Variants in RAB3C observed in about 807,000 individuals in gnomAD.
RAB3C encodes the protein RAB3C, member RAS oncogene family, also known as ras-related protein Rab-3C.
In RAB3C, 17 loss-of-function variants were observed where a neutral mutation model predicts 26.4. That is an observed-to-expected ratio of 0.64 (90% CI 0.44 to 0.97). The LOEUF is 0.97. Ranked by LOEUF, RAB3C falls within the 50% of genes least tolerant of loss-of-function variation. RAB3C has a pLI of 0.00. For synonymous variants in RAB3C, 91 were observed against 95.9 expected (o/e 0.95, Z 0.30); for missense variants, 242 against 281.9 (o/e 0.86, Z 1.01).
At chr5:58,588,570 C>T (rs1302131393) in intron 1 of RAB3C, among the ~76,000 whole-genome samples, 1 of 151,958 alleles carries the variant, frequency 6.6e-6, no homozygotes, top group Non-Finnish European at 1.5e-5. Flanking sequence ...TGTTTAGTTG[C>T]AAGAGATCTT....
chr5:58,587,415 T>C (rs1430464757), intron 1 of RAB3C, among the ~76,000 whole-genome samples: 1 of 152,196 alleles, frequency 6.6e-6, no homozygotes, highest in Non-Finnish European at 1.5e-5. Flanking sequence ...CATTTTTCCC[T>C]TTCTTAAATT....
intron 3 of RAB3C, among the ~76,000 whole-genome samples, chr5:58,767,334 T>C (rs1051748907): frequency 6.6e-6 from 1 of 152,178 alleles, no homozygotes; most frequent in African/African-American, 2.4e-5. Context: ...TCTAGTTTTC[T>C]TCCATTATGC....
At chr5:58,768,038 C>G (rs540749631) in intron 3 of RAB3C, among the ~76,000 whole-genome samples, 1 of 152,130 alleles carries the variant, frequency 6.6e-6, no homozygotes. Flanking sequence ...TTGTATAAGA[C>G]TTCCAAGGCT....
intron 2 of RAB3C, among the ~76,000 whole-genome samples, chr5:58,649,905 T>C (rs1049604605): frequency 5.3e-5 from 8 of 152,190 alleles, no homozygotes; most frequent in African/African-American, 7.2e-5. Context: ...GATAAAGCCT[T>C]AGCTCAAAAA....
intron 3 of RAB3C, among the ~76,000 whole-genome samples, chr5:58,789,271 A>G (rs930348722): frequency 6.6e-6 from 1 of 152,062 alleles, no homozygotes; most frequent in Non-Finnish European, 1.5e-5. Context: ...AGGTGAAAAT[A>G]TTATTAAACC....
chr5:58,665,426 CTATT>C (rs778158237), intron 2 of RAB3C, among the ~76,000 whole-genome samples: 69 of 152,098 alleles, frequency 4.5e-4, no homozygotes, highest in Non-Finnish European at 7.1e-4. Context: ...AATATAGTTT[CTATT>C]TATTTAAGTA....
intron 3 of RAB3C, among the ~76,000 whole-genome samples, chr5:58,813,534 C>T (rs990382110): frequency 6.7e-6 from 1 of 150,022 alleles, no homozygotes; most frequent in South Asian, 2.1e-4. Flanking sequence ...TCATTCCAAG[C>T]ACATGCCTTC....
At chr5:58,731,445 G>A (rs1383725866) in intron 3 of RAB3C, among the ~76,000 whole-genome samples, 1 of 152,094 alleles carries the variant, frequency 6.6e-6, no homozygotes, top group East Asian at 1.9e-4. Context: ...AATATGAGCA[G>A]AAAGTAACTC....
At chr5:58,591,586 GTATATA>G (rs36004499) in intron 1 of RAB3C, among the ~76,000 whole-genome samples, 2 of 49,580 alleles carry the variant, frequency 4.0e-5, no homozygotes, top group East Asian at 2.8e-4. Context: ...TATTTTCATA[GTATATA>G]TATATATATA....
chr5:58,722,426 T>G (rs536476224), intron 2 of RAB3C, among the ~76,000 whole-genome samples: 2 of 148,330 alleles, frequency 1.3e-5, no homozygotes, highest in African/African-American at 2.5e-5. Context: ...AAAAAAAAAG[T>G]GTGACCAAGA....
chr5:58,746,094 G>A (rs1741396949), intron 3 of RAB3C, among the ~76,000 whole-genome samples: 1 of 152,184 alleles, frequency 6.6e-6, no homozygotes, highest in African/African-American at 2.4e-5. Flanking sequence ...TAATTTATTT[G>A]ATAAAGTAGA....
Position 58,749,346 on chromosome 5 carries a change from A to G in RAB3C, c.371+23226A>G, listed in dbSNP as rs141978855. Among the ~76,000 whole-genome samples, 8 of 152,338 alleles carry G rather than the reference A, an allele frequency of 5.3e-5. No individual in the cohort carries two copies. The East Asian group carries it at 1.5e-3, about 29-fold the overall frequency. On this transcript the variant is annotated intron_variant, in intron 3 of 4. Coordinates refer to ENST00000282878, the MANE Select transcript of RAB3C (RefSeq NM_138453.4). ...TGTGTGAATTTTATTTTCACTTAAC[A>G]TTTATCTAATATCCATTATGTGGAG...
intron 2 of RAB3C, among the ~76,000 whole-genome samples, chr5:58,646,746 C>T (rs191500605): frequency 5.9e-5 from 9 of 152,244 alleles, no homozygotes; most frequent in African/African-American, 1.9e-4. Flanking sequence ...CTTGTGGGGG[C>T]AGGGAAAGCC....
chr5:58,852,909 G>A lies in RAB3C; in HGVS notation c.*1558G>A, dbSNP rs1012676658. ...GAGGCTTCCCATGAAAGTATTGGATGCAAATGAAACAGGCATACATCTAAA... is the reference window on the plus strand; with the variant it reads ...GAGGCTTCCCATGAAAGTATTGGATACAAATGAAACAGGCATACATCTAAA... On this transcript the variant is annotated 3_prime_UTR_variant, in exon 5 of 5. Coordinates refer to ENST00000282878, the MANE Select transcript of RAB3C (RefSeq NM_138453.4). 2 of 152,112 alleles carry A rather than the reference G, an allele frequency of 1.3e-5. No homozygotes were observed. The highest frequency in any genetic ancestry group is 3.2e-3 in the Middle Eastern group (1 of 316). The allele number at this position is 152,112 out of a possible 1,614,324, so 9.4% of individuals were successfully genotyped here. A position where few individuals can be genotyped will look rare whatever the true frequency, so the allele number is the denominator to read the frequency against.
rs1179471483 is a variant in RAB3C, at chr5:58,673,399, G to GGGGGAAA, written c.253-52601_253-52595dup. On this transcript the variant is annotated intron_variant, in intron 2 of 4. Coordinates refer to ENST00000282878, the MANE Select transcript of RAB3C (RefSeq NM_138453.4). Reference sequence around the variant, plus strand: ...AGCCTGGTCCAATTTGGAAACTGTAGGGGGAAAGTGGGGAGCGGTTTCTTT... The same window carrying GGGGGAAA: ...AGCCTGGTCCAATTTGGAAACTGTAGGGGGAAAGGGGAAAGTGGGGAGCGGTTTCTTT... 4.0e-5 allele frequency among the ~76,000 whole-genome samples: 6 copies of GGGGGAAA among 151,728 alleles called. No homozygotes were observed. The East Asian group carries it at 9.7e-4, about 24-fold the overall frequency.
At chr5:58,649,274 C>T (rs1258444526) in intron 2 of RAB3C, among the ~76,000 whole-genome samples, 7 of 151,980 alleles carry the variant, frequency 4.6e-5, no homozygotes, top group Admixed American at 2.6e-4. Flanking sequence ...GCCTGGAATC[C>T]CTTCTGATTA....
chr5:58,704,473 T>C (rs529311157), intron 2 of RAB3C, among the ~76,000 whole-genome samples: 1 of 152,302 alleles, frequency 6.6e-6, no homozygotes, highest in African/African-American at 2.4e-5. Context: ...GAAAAAATTC[T>C]GCTTGTTTAG....
chr5:58,849,379 ATAGTTCTGATATC>A (rs1744067605), intron 4 of RAB3C, among the ~76,000 whole-genome samples: 1 of 152,182 alleles, frequency 6.6e-6, no homozygotes, highest in African/African-American at 2.4e-5. Context: ...AAGCATGCCA[ATAGTTCTGATATC>A]TTAGCAACAA....
At chr5:58,732,296 T>A (rs1159511734) in intron 3 of RAB3C, among the ~76,000 whole-genome samples, 1 of 151,736 alleles carries the variant, frequency 6.6e-6, no homozygotes, top group Non-Finnish European at 1.5e-5. Flanking sequence ...AAAAATTTTT[T>A]TATATTTTAT....
Sources: gnomAD v4.1 joint callset for allele counts (sites outside exome capture counted in the v4.1 genomes callset) on GRCh38, gnomAD v4.1.1 for gene constraint, MANE v1.5 for transcripts, NCBI Gene and HGNC (gene_info 2026-07-23, HGNC 2026-07-21) for gene names.